The following SULF1 variants were observed in gnomAD, a reference collection of about 807,000 sequenced individuals.
SULF1 encodes the protein sulfatase 1, also known as extracellular sulfatase Sulf-1.
SULF1 carries 46 observed loss-of-function variants against 110.5 expected under a neutral mutation model. The ratio of observed to expected loss-of-function variants is 0.42; its 90% CI spans 0.33 to 0.53. The LOEUF is 0.53. Among genes scored for constraint, SULF1 ranks in the 20% least tolerant of loss-of-function variants. SULF1 has a pLI of 0.12. For synonymous variants in SULF1, 371 were observed against 387.1 expected (o/e 0.96, Z 0.49); for missense variants, 941 against 1,094.2 (o/e 0.86, Z 1.98).
chr8:69,471,258 G>T (rs139938952), intron 1 of SULF1, among the ~76,000 whole-genome samples: 115 of 152,214 alleles, frequency 7.6e-4, no homozygotes, highest in Non-Finnish European at 9.9e-4. Flanking sequence ...CCACTTTAAT[G>T]ACCCACAGAA....
At chr8:69,552,418 T>G (rs1814788375) in intron 3 of SULF1, among the ~76,000 whole-genome samples, 1 of 152,256 alleles carries the variant, frequency 6.6e-6, no homozygotes. Context: ...TGGATCTTCA[T>G]CTTTCTTGCC....
rs568094591 is a variant in SULF1, at chr8:69,630,505, T to A, written c.2284+826T>A. On this transcript the variant is annotated intron_variant, in intron 19 of 22. Transcript: ENST00000402687. ...CTAGGGCTTGTCCTAGGAGACTTTA[T>A]GTTTTCCCTTTCCATTTTGATGTCT... is the stretch of plus-strand genomic sequence containing the variant. Among the ~76,000 whole-genome samples, 264 of 152,346 alleles carry A rather than the reference T, an allele frequency of 1.7e-3. 4 individuals carry two copies. In the South Asian group the frequency reaches 0.017, roughly 10 times the overall value.
intron 6 of SULF1, among the ~76,000 whole-genome samples, chr8:69,579,155 T>C (rs1183967580): frequency 1.6e-5 from 2 of 122,830 alleles, no homozygotes; most frequent in East Asian, 4.4e-4. Flanking sequence ...AGCGAGACTC[T>C]GTCTCAAAAA....
chr8:69,558,842 A>G (rs1020049036), intron 3 of SULF1, among the ~76,000 whole-genome samples: 3 of 152,172 alleles, frequency 2.0e-5, no homozygotes, highest in African/African-American at 7.2e-5. Flanking sequence ...TAATACTTAC[A>G]AGTGAAAACT....
chr8:69,609,747 C>T (rs1459495380), intron 13 of SULF1, among the ~76,000 whole-genome samples: 1 of 152,206 alleles, frequency 6.6e-6, no homozygotes, highest in Non-Finnish European at 1.5e-5. Flanking sequence ...GTTCTCAACC[C>T]TGACTGCACG....
rs534021221 is a variant in SULF1 at position 69,573,127 on chromosome 8, C to T, written c.173-2843C>T. Among the ~76,000 whole-genome samples the T allele has an allele frequency of 3.9e-5, 6 of 152,270 alleles. No homozygotes were observed. The South Asian group carries it at 8.3e-4, about 21-fold the overall frequency. ...CAGGCATGAGCCACTGAGCCCGGCC[C>T]GAGATTCGCATTTTCAAGGACCCCA... On this transcript the variant is annotated intron_variant, in intron 5 of 22. Coordinates refer to ENST00000402687, the MANE Select transcript of SULF1 (RefSeq NM_001128205.2).
In SULF1 at chr8:69,639,839, A is replaced by C. The variant is rs938347066; in HGVS notation, c.2552-969A>C. 6.6e-5 allele frequency among the ~76,000 whole-genome samples: 10 copies of C among 152,310 alleles called. 1 individual carries two copies. The highest frequency in any genetic ancestry group is 2.6e-4 in the Admixed American group (4 of 15,298). On this transcript the variant is annotated intron_variant, in intron 21 of 22. Transcript: ENST00000402687. The stretch of plus-strand genomic sequence containing the variant: ...AGAATGATCAATATCACCACCTGTC[A>C]TCTCCTTTCCACTGCAGGGTCACAA...
Position 69,659,278 on chromosome 8 carries a change from C to A in SULF1, c.*743C>A. 2.2e-6 allele frequency: 1 copy of A among 446,344 alleles called. No individual in the cohort carries two copies. The highest frequency in any genetic ancestry group is 3.3e-4 in the Middle Eastern group (1 of 3,002). 27.6% of individuals were successfully genotyped at this position (446,344 alleles called of 1,614,324 possible). A position where few individuals can be genotyped will look rare whatever the true frequency, so the allele number is the denominator to read the frequency against. ...GAAGAATCACGAAAAGGAGAAGTCA[C>A]AGCACCTAGAAGGCAGCGCCTCCTC... On this transcript the variant is annotated 3_prime_UTR_variant, in exon 23 of 23. Coordinates refer to ENST00000402687, the MANE Select transcript of SULF1 (RefSeq NM_001128205.2).
intron 3 of SULF1, among the ~76,000 whole-genome samples, chr8:69,514,803 A>G (rs1171027481): frequency 6.6e-6 from 1 of 152,230 alleles, no homozygotes; most frequent in Non-Finnish European, 1.5e-5. Flanking sequence ...CAAAAGAGTT[A>G]CAAGCCCCAT....
intron 3 of SULF1, among the ~76,000 whole-genome samples, chr8:69,553,793 C>A (rs1299651645): frequency 6.6e-6 from 1 of 152,022 alleles, no homozygotes; most frequent in Non-Finnish European, 1.5e-5. Context: ...TTTGTTTTTC[C>A]TTAATTAATA....
intron 1 of SULF1, among the ~76,000 whole-genome samples, chr8:69,493,448 T>TACACACACAC (rs56867664): frequency 2.0e-4 from 29 of 144,386 alleles, no homozygotes; most frequent in Admixed American, 4.8e-4. Flanking sequence ...CACACAACAC[T>TACACACACAC]ACACACACAC....
intron 8 of SULF1, among the ~76,000 whole-genome samples, chr8:69,596,412 A>G (rs991836068): frequency 2.8e-4 from 43 of 152,064 alleles, no homozygotes; most frequent in African/African-American, 1.0e-3. Flanking sequence ...TGTGTTATCT[A>G]CCTTTTCATG....
chr8:69,486,184 A>G (rs16935943), intron 1 of SULF1, among the ~76,000 whole-genome samples: 1 of 152,282 alleles, frequency 6.6e-6, no homozygotes, highest in Admixed American at 6.5e-5. Context: ...CGTTCATGCC[A>G]TAAAAGACTC....
chr8:69,595,293 GACTT>G (rs373356452), intron 8 of SULF1, among the ~76,000 whole-genome samples: 58 of 152,272 alleles, frequency 3.8e-4, no homozygotes, highest in African/African-American at 1.4e-3. Flanking sequence ...CACTCCACCA[GACTT>G]ACTCAGTTCA....
At chr8:69,585,866 C>T (rs1474249857) in intron 6 of SULF1, among the ~76,000 whole-genome samples, 1 of 152,190 alleles carries the variant, frequency 6.6e-6, no homozygotes, top group African/African-American at 2.4e-5. Context: ...AAAATTTGTA[C>T]TCTCTGGATA....
intron 3 of SULF1, among the ~76,000 whole-genome samples, chr8:69,555,344 G>A (rs1350335108): frequency 6.6e-6 from 1 of 152,174 alleles, no homozygotes; most frequent in Non-Finnish European, 1.5e-5. Flanking sequence ...TATATTGGCA[G>A]TGAACTTGAT....
intron 3 of SULF1, among the ~76,000 whole-genome samples, chr8:69,507,235 T>A (rs966404750): frequency 6.6e-6 from 1 of 152,184 alleles, no homozygotes; most frequent in Non-Finnish European, 1.5e-5. Context: ...TGCAGGATAA[T>A]TTTAAATGGC....
intron 1 of SULF1, among the ~76,000 whole-genome samples, chr8:69,487,635 A>C (rs1208510082): frequency 6.6e-6 from 1 of 152,206 alleles, no homozygotes; most frequent in East Asian, 1.9e-4. Flanking sequence ...CCCTTGTTCA[A>C]CTGAACCAAG....
chr8:69,534,478 G>C (rs570440614), intron 3 of SULF1, among the ~76,000 whole-genome samples: 101 of 152,198 alleles, frequency 6.6e-4, no homozygotes, highest in African/African-American at 2.3e-3. Context: ...TGAAGAATTA[G>C]GCTACATTTT....
Sources: allele counts gnomAD v4.1 joint callset (sites outside exome capture counted in the v4.1 genomes callset), GRCh38; gene constraint gnomAD v4.1.1; transcripts MANE v1.5; gene names NCBI Gene and HGNC (gene_info 2026-07-23, HGNC 2026-07-21).